The following PUDP variants were observed in gnomAD, a reference collection of about 807,000 sequenced individuals.
The protein encoded by PUDP is pseudouridine-5'-phosphatase.
Under a neutral mutation model 9.4 loss-of-function variants are expected in PUDP, and 8 were observed. That is an observed-to-expected ratio of 0.85 (90% CI 0.50 to 1.53). The LOEUF (loss-of-function observed/expected upper bound fraction) is 1.53, where lower values mean the gene tolerates loss of function less well. Ranked by LOEUF, PUDP falls within the 40% of genes most tolerant of loss-of-function variation. The pLI is 0.00. For synonymous variants in PUDP, 99 were observed against 80.7 expected, an observed-to-expected ratio of 1.23 and a Z score of -1.22; for missense variants, 188 against 189.7, an observed-to-expected ratio of 0.99 and a Z score of 0.05.
At chrX:6,911,631 T>C (rs1307762698) in intron 3 of PUDP, among the ~76,000 whole-genome samples, 1 of 112,484 alleles carries the variant, frequency 8.9e-6, no homozygotes, top group Non-Finnish European at 1.9e-5. Flanking sequence ...GTTGAATGTA[T>C]ACTACATAAT....
chrX:7,140,336 C>G (rs773516250), intron 1 of PUDP, among the ~76,000 whole-genome samples: 13 of 111,410 alleles, frequency 1.2e-4, no homozygotes, highest in African/African-American at 3.9e-4. Flanking sequence ...TATTTTCAAG[C>G]GTAATGTATT....
intron 3 of PUDP, among the ~76,000 whole-genome samples, chrX:6,858,100 T>C (rs1403859093): frequency 9.0e-6 from 1 of 110,872 alleles, no homozygotes; most frequent in Admixed American, 9.6e-5. Context: ...CAGCAGGAGA[T>C]GAAAGTCAAG....
At chrX:6,863,580 A>AACAT (rs1357723003) in intron 3 of PUDP, among the ~76,000 whole-genome samples, 1 of 111,995 alleles carries the variant, frequency 8.9e-6, no homozygotes, top group Non-Finnish European at 1.9e-5. Flanking sequence ...GCAATGGGTA[A>AACAT]ACATACATGT....
intron 3 of PUDP, among the ~76,000 whole-genome samples, chrX:6,893,616 T>A (rs188657363): frequency 1.3e-3 from 144 of 111,937 alleles, no homozygotes; most frequent in Middle Eastern, 4.6e-3. Flanking sequence ...GCTATGAAGA[T>A]GATTCCCTAG....
intron 1 of PUDP, among the ~76,000 whole-genome samples, chrX:7,009,535 C>A: frequency 9.0e-6 from 1 of 111,550 alleles, no homozygotes; most frequent in Non-Finnish European, 1.9e-5. Flanking sequence ...AAAACAGATT[C>A]TGAGGAATAC....
At chrX:6,712,394 C>T (rs1472433568) in intron 1 of PUDP, among the ~76,000 whole-genome samples, 3 of 111,910 alleles carry the variant, frequency 2.7e-5, no homozygotes, top group Non-Finnish European at 5.6e-5. Context: ...AAGTGATCTG[C>T]CCGCCTCAGT....
intron 3 of PUDP, among the ~76,000 whole-genome samples, chrX:6,738,713 G>T (rs1924902096): frequency 9.0e-6 from 1 of 110,817 alleles, no homozygotes; most frequent in African/African-American, 3.3e-5. Flanking sequence ...ACCCGACAAT[G>T]CACAGCACAG....
chrX:6,893,976 TC>T (rs1358344784), intron 3 of PUDP, among the ~76,000 whole-genome samples: 1 of 111,962 alleles, frequency 8.9e-6, no homozygotes, highest in Admixed American at 9.5e-5. Context: ...GGAGCCATTA[TC>T]TTTGGCAAAC....
chrX:6,902,285 G>T (rs1370240990), intron 3 of PUDP, among the ~76,000 whole-genome samples: 2 of 112,068 alleles, frequency 1.8e-5, no homozygotes, highest in Non-Finnish European at 3.8e-5. Context: ...CTAGAAGCCA[G>T]TCTGTGTTCC....
chrX:7,083,648 C>T (rs1043745998), intron 2 of PUDP, among the ~76,000 whole-genome samples: 2 of 110,791 alleles, frequency 1.8e-5, no homozygotes, highest in Non-Finnish European at 3.8e-5. Context: ...TGCCTACAAT[C>T]TCAGCACTTT....
chrX:6,767,476 CA>C (rs982558241), intron 3 of PUDP, among the ~76,000 whole-genome samples: 3 of 112,443 alleles, frequency 2.7e-5, no homozygotes, highest in Non-Finnish European at 5.6e-5. Context: ...CATGGCCATA[CA>C]GAAATAAAAA....
At chrX:7,104,045 G>C (rs1281466877) in intron 2 of PUDP, among the ~76,000 whole-genome samples, 1 of 111,854 alleles carries the variant, frequency 8.9e-6, no homozygotes, top group Non-Finnish European at 1.9e-5. Context: ...TCCACTTCTG[G>C]GTATATCCCA....
chrX:6,976,296 C>T (rs1928954859), intron 3 of PUDP, among the ~76,000 whole-genome samples: 1 of 111,694 alleles, frequency 9.0e-6, no homozygotes, highest in Non-Finnish European at 1.9e-5. Context: ...AACGGCTGCC[C>T]AGTTTTGTGC....
intron 3 of PUDP, among the ~76,000 whole-genome samples, chrX:6,952,685 AG>A (rs1928574164): frequency 9.0e-6 from 1 of 111,204 alleles, no homozygotes; most frequent in Admixed American, 9.6e-5. Flanking sequence ...ATGAGGGTGG[AG>A]CCCTCATGAA....
chrX:7,104,407 G>A (rs777304975), intron 2 of PUDP, among the ~76,000 whole-genome samples: 4 of 111,890 alleles, frequency 3.6e-5, no homozygotes, highest in African/African-American at 9.7e-5. Flanking sequence ...AGGGCAGGGC[G>A]AAATGGGGAC....
intron 3 of PUDP, among the ~76,000 whole-genome samples, chrX:6,952,963 A>G (rs1015408240): frequency 1.2e-4 from 13 of 111,340 alleles, no homozygotes; most frequent in African/African-American, 3.6e-4. Context: ...TAGTCCCTCT[A>G]TCTTGGTTTG....
intron 3 of PUDP, among the ~76,000 whole-genome samples, chrX:6,876,730 TG>T (rs897817870): frequency 9.4e-6 from 1 of 105,930 alleles, no homozygotes; most frequent in Non-Finnish European, 1.9e-5. Context: ...TACATGTAGA[TG>T]CACATGTGCA....
At chrX:6,720,593 T>C (rs1308847339) in intron 1 of PUDP, among the ~76,000 whole-genome samples, 1 of 107,347 alleles carries the variant, frequency 9.3e-6, no homozygotes, top group Non-Finnish European at 1.9e-5. Context: ...ATGGTGACTA[T>C]AGTTACCAAT....
At chrX:6,792,691 C>G (rs1925768989) in intron 3 of PUDP, among the ~76,000 whole-genome samples, 1 of 112,228 alleles carries the variant, frequency 8.9e-6, no homozygotes, top group African/African-American at 3.2e-5. Context: ...CTTACCAAAC[C>G]TAAGCATTAA....
Sources: allele counts gnomAD v4.1 joint callset (sites outside exome capture counted in the v4.1 genomes callset), GRCh38; gene constraint gnomAD v4.1.1; transcripts MANE v1.5; gene names NCBI Gene and HGNC (gene_info 2026-07-23, HGNC 2026-07-21).